The following KCNAB1 variants were observed in gnomAD, a reference collection of about 807,000 sequenced individuals.
The protein encoded by KCNAB1 is potassium voltage-gated channel subfamily A regulatory beta subunit 1.
KCNAB1 carries 35 observed loss-of-function variants against 64.6 expected under a neutral mutation model. The observed-to-expected ratio is 0.54, with a 90% CI of 0.41 to 0.72. KCNAB1 has a LOEUF of 0.72. Ranked by LOEUF, KCNAB1 falls within the 30% of genes least tolerant of loss-of-function variation. The pLI is 0.00. For synonymous variants in KCNAB1, 177 were observed against 183.8 expected (o/e 0.96, Z 0.30); for missense variants, 401 against 512.9 (o/e 0.78, Z 2.11).
chr3:156,142,836 A>G (rs1010870163), intron 1 of KCNAB1: 5 of 253,240 alleles, frequency 2.0e-5, no homozygotes, highest in Admixed American at 1.3e-4. Context: ...CCTTTTACCT[A>G]AATAGAAAGA....
At chr3:156,538,751 A>ACTC (rs1459408215), downstream of KCNAB1, 2 of 152,264 alleles carry the variant, frequency 1.3e-5, no homozygotes, top group Admixed American at 1.3e-4. Flanking sequence ...TGCACTGAAT[A>ACTC]CTCAACAGAA....
At chr3:156,355,233 CTAAG>C (rs1229937887) in intron 1 of KCNAB1, among the ~76,000 whole-genome samples, 1 of 152,162 alleles carries the variant, frequency 6.6e-6, no homozygotes, top group Non-Finnish European at 1.5e-5. Flanking sequence ...TTGGAAATAT[CTAAG>C]TATTTTATAA....
At chr3:156,372,960 T>G (rs1210142707) in intron 1 of KCNAB1, among the ~76,000 whole-genome samples, 1 of 152,264 alleles carries the variant, frequency 6.6e-6, no homozygotes, top group Non-Finnish European at 1.5e-5. Flanking sequence ...GCAGAGGCAT[T>G]GGCACATGCC....
At chr3:156,208,006 C>G (rs377410579) in intron 1 of KCNAB1, among the ~76,000 whole-genome samples, 3 of 152,134 alleles carry the variant, frequency 2.0e-5, no homozygotes, top group East Asian at 1.9e-4. Context: ...ATAATACAGA[C>G]CAAGAGTGGT....
chr3:156,531,280 G>T, intron 12 of KCNAB1, 129 bp from the exon 13 acceptor site: 1 of 752,044 alleles, frequency 1.3e-6, no homozygotes, highest in Non-Finnish European at 2.4e-6. Flanking sequence ...ATCCTAGGAA[G>T]CACTGTACAT....
intron 1 of KCNAB1, among the ~76,000 whole-genome samples, chr3:156,379,156 G>A (rs577372861): frequency 2.0e-5 from 3 of 152,308 alleles, no homozygotes; most frequent in East Asian, 1.9e-4. Context: ...GGCAGGTGAC[G>A]ATCCCGCTGA....
At chr3:156,423,631 T>G (rs530997308) in intron 2 of KCNAB1, among the ~76,000 whole-genome samples, 13 of 152,202 alleles carry the variant, frequency 8.5e-5, no homozygotes, top group Non-Finnish European at 1.8e-4. Flanking sequence ...AAATTTGAAG[T>G]GAGACCATGT....
chr3:156,402,687 G>A (rs1477241474), intron 1 of KCNAB1, among the ~76,000 whole-genome samples: 1 of 152,212 alleles, frequency 6.6e-6, no homozygotes, highest in Non-Finnish European at 1.5e-5. Context: ...ACCTCTGGCA[G>A]TGGCCTATGT....
At chr3:156,406,920 T>C (rs1714285706) in intron 1 of KCNAB1, among the ~76,000 whole-genome samples, 1 of 152,138 alleles carries the variant, frequency 6.6e-6, no homozygotes, top group Non-Finnish European at 1.5e-5. Flanking sequence ...ACCAAAACCC[T>C]CACCAGTATG....
chr3:156,343,408 G>A (rs1304042639), intron 1 of KCNAB1, among the ~76,000 whole-genome samples: 1 of 152,182 alleles, frequency 6.6e-6, no homozygotes, highest in Non-Finnish European at 1.5e-5. Flanking sequence ...CTATAAGCAG[G>A]TAAAAAGCTA....
intron 1 of KCNAB1, among the ~76,000 whole-genome samples, chr3:156,408,279 A>G (rs1464658587): frequency 6.6e-6 from 1 of 152,140 alleles, no homozygotes; most frequent in Non-Finnish European, 1.5e-5. Flanking sequence ...AGATGCACGG[A>G]TCATGTGAAG....
intron 8 of KCNAB1, among the ~76,000 whole-genome samples, chr3:156,512,994 C>T (rs1248284660): frequency 1.3e-5 from 2 of 152,190 alleles, no homozygotes; most frequent in African/African-American, 2.4e-5. Flanking sequence ...GGGAGGATCA[C>T]GAGGTCAGGA....
At chr3:156,283,338 G>T (rs911949785) in intron 1 of KCNAB1, among the ~76,000 whole-genome samples, 9 of 151,292 alleles carry the variant, frequency 5.9e-5, no homozygotes, top group Non-Finnish European at 1.2e-4. Context: ...GAGATCTGCT[G>T]TTAGTCTGAT....
intron 1 of KCNAB1, chr3:156,143,569 G>GTTGTT (rs1443482013): frequency 6.4e-5 from 19 of 297,058 alleles, no homozygotes; most frequent in African/African-American, 5.5e-4. Context: ...TTGCATTCTT[G>GTTGTT]TTTTTTTTTT....
rs901791606 is a variant in KCNAB1, at chr3:156,258,361, A to G, written c.275+137475A>G. Among the ~76,000 whole-genome samples, 17 of 152,358 alleles carry G rather than the reference A, an allele frequency of 1.1e-4. 1 individual carries two copies. Among genetic ancestry groups the G allele is most frequent in the Admixed American group, 1.0e-3 (16 of 15,312 alleles). Reference sequence around the variant, plus strand: ...TACTACCTGAAAGATCCTGCCTAACATAACTACCATTCAGAAAAGCAAATC... The same window carrying G: ...TACTACCTGAAAGATCCTGCCTAACGTAACTACCATTCAGAAAAGCAAATC... On this transcript the variant is annotated intron_variant, in intron 1 of 13. Transcript: ENST00000490337.
chr3:156,271,385 T>C (rs549745739), intron 1 of KCNAB1, among the ~76,000 whole-genome samples: 2 of 152,340 alleles, frequency 1.3e-5, no homozygotes, highest in African/African-American at 2.4e-5. Context: ...ATTCATTTTC[T>C]TTTGTCTCCT....
At chr3:156,430,338 GTGCATGCATGCA>G (rs778107987) in intron 2 of KCNAB1, among the ~76,000 whole-genome samples, 21 of 152,320 alleles carry the variant, frequency 1.4e-4, no homozygotes, top group Non-Finnish European at 2.4e-4. Flanking sequence ...AACAACCCAT[GTGCATGCATGCA>G]CGCACACACC....
At chr3:156,467,074 T>C (rs1179886917) in intron 7 of KCNAB1, among the ~76,000 whole-genome samples, 1 of 152,100 alleles carries the variant, frequency 6.6e-6, no homozygotes, top group Non-Finnish European at 1.5e-5. Context: ...TAAATATGCT[T>C]AAAACACTTA....
chr3:156,202,492 C>G (rs567119940), intron 1 of KCNAB1, among the ~76,000 whole-genome samples: 1 of 152,272 alleles, frequency 6.6e-6, no homozygotes, highest in East Asian at 1.9e-4. Flanking sequence ...ATGTCCCTGT[C>G]CCTCAGTGGG....
Sources: gnomAD v4.1 joint callset for allele counts (sites outside exome capture counted in the v4.1 genomes callset) on GRCh38, gnomAD v4.1.1 for gene constraint, MANE v1.5 for transcripts, NCBI Gene and HGNC (gene_info 2026-07-23, HGNC 2026-07-21) for gene names.